The following AMPD1 variants were observed in gnomAD, a reference collection of about 807,000 sequenced individuals.
AMPD1 encodes the protein AMP deaminase 1.
A neutral mutation model predicts 82.9 loss-of-function variants in AMPD1; 74 were observed. The observed-to-expected ratio is 0.89, with a 90% CI of 0.74 to 1.08. The LOEUF is 1.08. Among genes scored for constraint, AMPD1 ranks in the 50% least tolerant of loss-of-function variants. The pLI is 0.00. For synonymous variants in AMPD1, 333 were observed against 320.5 expected, an observed-to-expected ratio of 1.04 and a Z score of -0.42; for missense variants, 881 against 924.5, an observed-to-expected ratio of 0.95 and a Z score of 0.61.
rs576010802 is a variant in AMPD1 at position 114,692,872 on chromosome 1, C to T, written c.34+564G>A. On this transcript the variant is annotated intron_variant, in intron 2 of 15. Transcript: ENST00000520113. ...AACAGGCTGGGTGTGGTGGCCCACA[C>T]CTGTAATCCCAGCACTTTGTGAGGC... Among the ~76,000 whole-genome samples, 245 of 151,144 alleles carry T rather than the reference C, an allele frequency of 1.6e-3. 4 individuals are homozygous for T. The highest frequency in any genetic ancestry group is 5.8e-3 in the African/African-American group (238 of 41,144).
At chr1:114,691,385 C>G (rs1444705829) in intron 2 of AMPD1, among the ~76,000 whole-genome samples, 1 of 150,998 alleles carries the variant, frequency 6.6e-6, no homozygotes, top group African/African-American at 2.5e-5. Context: ...TAGTGAGAAC[C>G]TCACCTCCAC....
At chr1:114,687,560 C>A (rs1374034676) in intron 3 of AMPD1, among the ~76,000 whole-genome samples, 1 of 151,936 alleles carries the variant, frequency 6.6e-6, no homozygotes, top group Non-Finnish European at 1.5e-5. Context: ...ATAGTCTTTT[C>A]CCCATGAAGC....
Position 114,686,902 on chromosome 1 carries a change from C to T in AMPD1, c.224G>A (p.Arg75His), listed in dbSNP as rs61738827. ...ATTAACAGTCTTCCGTCCTTGGAAA[C>T]GCTTTTTTCTGGGTTCGAAATTTAA... ...STSTEARRKK[R>H]FQGRKTVNLS... The change falls in exon 4 of 16, where the codon CGT becomes CAT. Residue 75 changes from arginine (R) to histidine (H), a missense_variant. Physicochemically the swap from Arg to His is conservative, Grantham distance 29. Around this residue, in one of 2 missense-constraint regions of AMPD1, gnomAD observed 783 missense variants for 786.4 expected, o/e 1.00. Coordinates refer to ENST00000520113, the MANE Select transcript of AMPD1 (RefSeq NM_000036.3). The T allele has an allele frequency of 3.8e-3, 6,129 of 1,614,150 alleles. 47 individuals are homozygous for T. Among genetic ancestry groups the T allele is most frequent in the Middle Eastern group, 0.016 (99 of 6,062 alleles).
intron 1 of AMPD1, among the ~76,000 whole-genome samples, 172 bp from the exon 2 acceptor site, chr1:114,693,619 T>C (rs764263361): frequency 4.6e-5 from 7 of 152,244 alleles, no homozygotes; most frequent in Non-Finnish European, 1.0e-4. Context: ...ATGGTCATTA[T>C]ACAGCTCTTC....
chr1:114,681,071 C>T (rs996496907), intron 5 of AMPD1, among the ~76,000 whole-genome samples: 10 of 152,136 alleles, frequency 6.6e-5, no homozygotes, highest in African/African-American at 2.4e-4. Context: ...TACTTACAAA[C>T]AATCTTCATT....
rs1658098716 is a variant in AMPD1 at position 114,679,678 on chromosome 1, G to A, written c.798C>T (p.Phe266=). 4 of 1,614,012 alleles carry A rather than the reference G, an allele frequency of 2.5e-6. No homozygotes were observed. Among genetic ancestry groups the A allele is most frequent in the Non-Finnish European group, 3.4e-6 (4 of 1,180,010 alleles). Residue 266 remains phenylalanine, a synonymous_variant, in exon 7 of 16, where the codon TTC becomes TTT. Transcript: ENST00000520113. ...VKTYTHRRLK[F]LSSKFQVHQM... ...GATGGACCTGGAACTTGGAGGAGAG[G>A]AACTTCAGGCGCCGGTGGGTATAGG... is the stretch of plus-strand genomic sequence containing the variant.
chr1:114,682,657 C>T (rs1658192674), intron 5 of AMPD1, among the ~76,000 whole-genome samples: 1 of 151,722 alleles, frequency 6.6e-6, no homozygotes, highest in South Asian at 2.1e-4. Context: ...CAGCTCACTG[C>T]AAGCTCCGCC....
At chr1:114,694,229 A>T (rs1163683128) in intron 1 of AMPD1, among the ~76,000 whole-genome samples, 4 of 151,926 alleles carry the variant, frequency 2.6e-5, no homozygotes, top group Non-Finnish European at 4.4e-5. Flanking sequence ...AAAAACAAAA[A>T]CAAAAACAAA....
intron 12 of AMPD1, 57 bp downstream of exon 12, chr1:114,675,473 T>G: frequency 6.4e-7 from 1 of 1,572,524 alleles, no homozygotes; most frequent in Non-Finnish European, 8.7e-7. Context: ...ATTGCCAATA[T>G]ATGTGGAAAG....
chr1:114,677,147 G>A (rs955096276), intron 10 of AMPD1, among the ~76,000 whole-genome samples: 1 of 151,850 alleles, frequency 6.6e-6, no homozygotes, highest in African/African-American at 2.4e-5. Flanking sequence ...GGACTGATCC[G>A]AAATGATCTT....
At chr1:114,693,394 T>C (rs1270719246) in intron 2 of AMPD1, 42 bp downstream of exon 2, 1 of 1,594,548 alleles carries the variant, frequency 6.3e-7, no homozygotes, top group Admixed American at 1.7e-5. Context: ...TTTTTTAAAT[T>C]GATACTCTGA....
chr1:114,676,949 T>C (rs887668261), intron 10 of AMPD1, among the ~76,000 whole-genome samples: 3 of 152,006 alleles, frequency 2.0e-5, no homozygotes, highest in African/African-American at 7.3e-5. Flanking sequence ...GGTGGGACAA[T>C]TGACAGACAG....
At position 114,679,697 on chromosome 1, in the gene AMPD1, G is replaced by C; in HGVS notation, c.779C>G (p.Thr260Ser). 6.2e-7 allele frequency: 1 copy of C among 1,613,966 alleles called. No individual in the cohort carries two copies. The highest frequency in any genetic ancestry group is 1.1e-5 in the South Asian group (1 of 91,066). Residue 260 changes from threonine to serine, a missense_variant, in exon 7 of 16, where the codon ACC becomes AGC. Physicochemically the swap from Thr to Ser is moderately conservative, Grantham distance 58. Coordinates refer to ENST00000520113, the MANE Select transcript of AMPD1 (RefSeq NM_000036.3). ...GGAGAGGAACTTCAGGCGCCGGTGG[G>C]TATAGGTCTTACTGTGAAAAATAAA... is the stretch of plus-strand genomic sequence containing the variant. ...LIAQGPVKTY[T>S]HRRLKFLSSK...
At position 114,691,264 on chromosome 1, in the gene AMPD1, G is replaced by A. The variant is rs188694883; in HGVS notation, c.34+2172C>T. ...GAGTTCTGCCTTTCAAAAATACCTCGGGGAGTGGGCCTGGCATGGTGACTC... is the reference window on the plus strand; with the variant it reads ...GAGTTCTGCCTTTCAAAAATACCTCAGGGAGTGGGCCTGGCATGGTGACTC... On this transcript the variant is annotated intron_variant, in intron 2 of 15. Coordinates refer to ENST00000520113, the MANE Select transcript of AMPD1 (RefSeq NM_000036.3). Among the ~76,000 whole-genome samples the A allele has an allele frequency of 8.5e-3, 1,289 of 152,156 alleles. 15 individuals are homozygous for A. The highest frequency in any genetic ancestry group is 0.034 in the Middle Eastern group (10 of 294).
chr1:114,682,782 G>A (rs972948970), intron 5 of AMPD1, among the ~76,000 whole-genome samples: 11 of 152,232 alleles, frequency 7.2e-5, no homozygotes, highest in East Asian at 3.9e-4. Context: ...GTTTCACCGT[G>A]TTAGCCAAGA....
At chr1:114,695,325 T>C (rs1658642974) in intron 1 of AMPD1, 125 bp downstream of exon 1, 2 of 1,393,568 alleles carry the variant, frequency 1.4e-6, no homozygotes, top group Non-Finnish European at 2.0e-6. Context: ...CTGAAATGTA[T>C]GTTAAAGCTA....
At position 114,680,310 on chromosome 1, in the gene AMPD1, G is replaced by T. The variant is rs369064189; in HGVS notation, c.716C>A (p.Thr239Asn). 2 of 1,614,146 alleles carry T rather than the reference G, an allele frequency of 1.2e-6. No individual in the cohort carries two copies. Among genetic ancestry groups the T allele is most frequent in the Admixed American group, 3.3e-5 (2 of 60,020 alleles). Residue 239 changes from threonine to asparagine, a missense_variant, in exon 6 of 16, where the codon ACC becomes AAC. Coordinates refer to ENST00000520113, the MANE Select transcript of AMPD1 (RefSeq NM_000036.3). ...TAAAAAATTCATATCGTCTAAGAAG[G>T]TGTCCAGATTTGGGTAAGGAAGTGG... Reference protein sequence around the residue: ...PKPLPYPNLDTFLDDMNFLLA... With the variant: ...PKPLPYPNLDNFLDDMNFLLA...
chr1:114,683,360 C>T (rs956592879), intron 5 of AMPD1, among the ~76,000 whole-genome samples: 3 of 152,120 alleles, frequency 2.0e-5, no homozygotes, highest in Admixed American at 6.5e-5. Context: ...ATGTAGGGAA[C>T]GAGAAATATT....
In AMPD1 at chr1:114,692,112, C is replaced by T. The variant is rs6678312; in HGVS notation, c.34+1324G>A. Among the ~76,000 whole-genome samples, 1,153 of 152,204 alleles carry T rather than the reference C, an allele frequency of 7.6e-3. 17 individuals carry two copies. The highest frequency in any genetic ancestry group is 0.026 in the African/African-American group (1,081 of 41,524). On this transcript the variant is annotated intron_variant, in intron 2 of 15. Transcript: ENST00000520113. ...TAACAAAAAATACTTTAAAACTATG[C>T]AGTACTGTCCAGAAGTTGGAGATTA...
Sources: allele counts gnomAD v4.1 joint callset (sites outside exome capture counted in the v4.1 genomes callset), GRCh38; gene constraint gnomAD v4.1.1; regional missense constraint gnomAD v4.1.1; transcripts MANE v1.5; gene names NCBI Gene and HGNC (gene_info 2026-07-23, HGNC 2026-07-21).